Variants in GLIS3 observed in about 807,000 individuals in gnomAD.
The protein encoded by GLIS3 is zinc finger protein GLIS3.
In GLIS3, 53 loss-of-function variants were observed where a neutral mutation model predicts 78.6. The ratio of observed to expected loss-of-function variants is 0.67; its 90% CI spans 0.54 to 0.85. The LOEUF (loss-of-function observed/expected upper bound fraction) is 0.85, where lower values mean the gene tolerates loss of function less well. GLIS3 is among the 40% of genes least tolerant of loss of function. GLIS3 has a pLI of 0.00. For missense variants in GLIS3, 1,703 were observed against 1,231.1 expected (o/e 1.38, Z -5.74); for synonymous variants, 684 against 509.9 (o/e 1.34, Z -4.60).
At chr9:4,363,240 T>C in the GLIS3 span, among the ~76,000 whole-genome samples, 1 of 152,122 alleles carries the variant, frequency 6.6e-6, no homozygotes, top group African/African-American at 2.4e-5. Context: ...CTGGCCAACA[T>C]GGTAAAACCC....
chr9:4,364,494 G>T, the GLIS3 span, among the ~76,000 whole-genome samples: 1 of 151,996 alleles, frequency 6.6e-6, no homozygotes, highest in Non-Finnish European at 1.5e-5. Context: ...TAAAATTATG[G>T]TGTAAATGAT....
At chr9:4,127,100 C>G (rs758195863) in intron 2 of GLIS3, among the ~76,000 whole-genome samples, 1 of 152,176 alleles carries the variant, frequency 6.6e-6, no homozygotes, top group Non-Finnish European at 1.5e-5. Flanking sequence ...TTGGAGCAGT[C>G]ACTGTTTCCA....
At chr9:4,354,695 A>C in the GLIS3 span, among the ~76,000 whole-genome samples, 1 of 152,142 alleles carries the variant, frequency 6.6e-6, no homozygotes, top group Non-Finnish European at 1.5e-5. Context: ...CATTGGCAGC[A>C]CTGGAGTGAT....
At chr9:4,285,042 T>C (rs1257710198) in intron 2 of GLIS3, among the ~76,000 whole-genome samples, 8 of 152,340 alleles carry the variant, frequency 5.3e-5, no homozygotes, top group East Asian at 1.9e-4. Flanking sequence ...TTTTGGCTAC[T>C]TGACTGATAG....
At chr9:4,380,348 G>C in the GLIS3 span, among the ~76,000 whole-genome samples, 1 of 152,012 alleles carries the variant, frequency 6.6e-6, no homozygotes, top group Non-Finnish European at 1.5e-5. Context: ...ATAACAATTG[G>C]CTCTAAGCAA....
chr9:4,124,296 A>C (rs1699221570), intron 3 of GLIS3, among the ~76,000 whole-genome samples: 1 of 152,242 alleles, frequency 6.6e-6, no homozygotes, highest in African/African-American at 2.4e-5. Flanking sequence ...AATTATGCTA[A>C]GGAATCAAAT....
chr9:3,965,718 G>C (rs773283710), intron 4 of GLIS3, among the ~76,000 whole-genome samples: 2 of 152,218 alleles, frequency 1.3e-5, no homozygotes, highest in Non-Finnish European at 2.9e-5. Context: ...GCAGCAGGCA[G>C]TGATCTCTCA....
At chr9:4,187,657 C>A (rs1460906552) in intron 2 of GLIS3, among the ~76,000 whole-genome samples, 1 of 152,084 alleles carries the variant, frequency 6.6e-6, no homozygotes, top group Non-Finnish European at 1.5e-5. Context: ...TTGTTTGTAT[C>A]CTCTTTTATT....
At chr9:4,184,264 T>A (rs576617912) in intron 2 of GLIS3, among the ~76,000 whole-genome samples, 49 of 152,304 alleles carry the variant, frequency 3.2e-4, no homozygotes, top group African/African-American at 1.0e-3. Context: ...CTAAATTCAA[T>A]AGGGAGCCCT....
In GLIS3 at chr9:3,832,195, T is replaced by C. The variant is rs572073850; in HGVS notation, c.2474-2703A>G. ...ACTTACATATTATACAATTTTATAATTAGCATTTATATAATATATAATTTA... is the reference window on the plus strand; with the variant it reads ...ACTTACATATTATACAATTTTATAACTAGCATTTATATAATATATAATTTA... On this transcript the variant is annotated intron_variant, in intron 9 of 10. Coordinates refer to ENST00000381971, the MANE Select transcript of GLIS3 (RefSeq NM_001042413.2). Among the ~76,000 whole-genome samples the C allele has an allele frequency of 1.8e-3, 272 of 149,884 alleles. 1 individual carries two copies. The highest frequency in any genetic ancestry group is 0.011 in the Middle Eastern group (3 of 280).
chr9:4,297,831 G>A (rs1202092154), intron 1 of GLIS3, among the ~76,000 whole-genome samples: 6 of 152,204 alleles, frequency 3.9e-5, no homozygotes, highest in Admixed American at 3.9e-4. Flanking sequence ...GAGAGGTGCC[G>A]GGAGCGGGGG....
chr9:4,251,083 T>C (rs1225560108), intron 2 of GLIS3, among the ~76,000 whole-genome samples: 2 of 152,232 alleles, frequency 1.3e-5, no homozygotes, highest in African/African-American at 2.4e-5. Flanking sequence ...GCTTATTCTG[T>C]TGATTTGAGG....
intron 2 of GLIS3, among the ~76,000 whole-genome samples, chr9:4,139,816 C>T (rs895720006): frequency 6.6e-6 from 1 of 152,198 alleles, no homozygotes; most frequent in Non-Finnish European, 1.5e-5. Flanking sequence ...AGAATCTAAT[C>T]CCACTGCTGA....
intron 2 of GLIS3, among the ~76,000 whole-genome samples, chr9:4,141,370 A>C (rs940376830): frequency 1.3e-5 from 2 of 152,192 alleles, no homozygotes; most frequent in African/African-American, 4.8e-5. Context: ...CTGGGCTCCC[A>C]GCTCCAGCAA....
intron 4 of GLIS3, among the ~76,000 whole-genome samples, chr9:4,038,316 C>G (rs1193130154): frequency 6.6e-6 from 1 of 152,132 alleles, no homozygotes; most frequent in Non-Finnish European, 1.5e-5. Flanking sequence ...CAAAAATCCT[C>G]TCTGTTGACA....
chr9:4,290,556 A>G lies in GLIS3; in HGVS notation c.-98-4033T>C, dbSNP rs183017072. On this transcript the variant is annotated intron_variant, in intron 1 of 10. Transcript: ENST00000381971. Reference sequence around the variant, plus strand: ...AATGAAAAGCCTATTGATAGATAATATAAGTTATTCTCATGCACGGCTGCA... The same window carrying G: ...AATGAAAAGCCTATTGATAGATAATGTAAGTTATTCTCATGCACGGCTGCA... Among the ~76,000 whole-genome samples, 183 of 152,264 alleles carry G rather than the reference A, an allele frequency of 1.2e-3. 1 individual carries two copies. Among genetic ancestry groups the G allele is most frequent in the Non-Finnish European group, 1.9e-3 (131 of 67,954 alleles).
intron 4 of GLIS3, among the ~76,000 whole-genome samples, chr9:4,088,680 A>G (rs1051726723): frequency 3.3e-5 from 5 of 152,262 alleles, no homozygotes; most frequent in African/African-American, 1.2e-4. Flanking sequence ...GAGTAAAGCA[A>G]TAAATGTGAC....
intron 2 of GLIS3, among the ~76,000 whole-genome samples, chr9:4,342,529 C>CA (rs1157876070): frequency 6.6e-5 from 10 of 152,150 alleles, no homozygotes; most frequent in African/African-American, 1.9e-4. Context: ...GTGATCTCTC[C>CA]AGTGCTTAGA....
chr9:4,181,143 T>A (rs996365719), intron 2 of GLIS3, among the ~76,000 whole-genome samples: 2 of 152,208 alleles, frequency 1.3e-5, no homozygotes, highest in Non-Finnish European at 2.9e-5. Context: ...CTGATGGTAA[T>A]GAGAAGGGCT....
Sources: allele counts gnomAD v4.1 joint callset (sites outside exome capture counted in the v4.1 genomes callset), GRCh38; gene constraint gnomAD v4.1.1; transcripts MANE v1.5; gene names NCBI Gene and HGNC (gene_info 2026-07-23, HGNC 2026-07-21).